Variants in SNX19 observed in about 807,000 individuals in gnomAD.
SNX19 encodes the protein sorting nexin 19.
In SNX19, 60 loss-of-function variants were observed where a neutral mutation model predicts 85.2. The observed-to-expected ratio is 0.70, with a 90% CI of 0.57 to 0.87. The LOEUF (loss-of-function observed/expected upper bound fraction) is 0.87, where lower values mean the gene tolerates loss of function less well. Among genes scored for constraint, SNX19 ranks in the 40% least tolerant of loss-of-function variants. SNX19 has a pLI of 0.00. For synonymous variants in SNX19, 520 were observed against 470.0 expected, an observed-to-expected ratio of 1.11 and a Z score of -1.38; for missense variants, 1,201 against 1,217.8, an observed-to-expected ratio of 0.99 and a Z score of 0.21.
rs1266033179 is a variant in SNX19, at chr11:130,916,157, C to G, written c.-218G>C. ...ACCACTAACAGAGCCCTCCAACTCG[C>G]CCCTTCCAGCTGAGGTGTGGCTTTG... On this transcript the variant is annotated 5_prime_UTR_variant, in exon 1 of 11. Transcript: ENST00000265909. The G allele has an allele frequency of 1.7e-6, 1 of 577,186 alleles. No homozygotes were observed. The highest frequency in any genetic ancestry group is 2.9e-5 in the East Asian group (1 of 34,980). The allele number at this position is 577,186 out of a possible 1,614,324, so 35.8% of individuals were successfully genotyped here. A position where few individuals can be genotyped will look rare whatever the true frequency, so the allele number is the denominator to read the frequency against.
intron 5 of SNX19, among the ~76,000 whole-genome samples, chr11:130,907,120 T>C (rs1945731576): frequency 6.6e-6 from 1 of 152,224 alleles, no homozygotes; most frequent in Non-Finnish European, 1.5e-5. Flanking sequence ...CTATTCATGG[T>C]GTATCCTTTT....
intron 4 of SNX19, 42 bp downstream of exon 4, chr11:130,909,976 A>G: frequency 1.2e-6 from 2 of 1,609,222 alleles, no homozygotes; most frequent in Non-Finnish European, 1.7e-6. Flanking sequence ...CTCCCCATTT[A>G]TAGATCAAAA....
At position 130,873,734 on chromosome 11, in the gene SNX19, G is replaced by C. The variant is rs1178495304; in HGVS notation, c.*4688C>G. Among the ~76,000 whole-genome samples, 1 of 152,154 alleles carries C rather than the reference G, an allele frequency of 6.6e-6. No individual in the cohort carries two copies. Among genetic ancestry groups the C allele is most frequent in the East Asian group, 1.9e-4 (1 of 5,154 alleles). ...AAGATATGTAAAGACTTTAAGTAAT[G>C]CTCTCAGAAGATGTTAACTATTAGC... is the stretch of plus-strand genomic sequence containing the variant. On this transcript the variant is annotated 3_prime_UTR_variant, in exon 11 of 11. Coordinates refer to ENST00000265909, the MANE Select transcript of SNX19 (RefSeq NM_014758.3).
chr11:130,908,145 A>T (rs1256729446), intron 4 of SNX19, 62 bp from the exon 5 acceptor site: 12 of 1,582,998 alleles, frequency 7.6e-6, no homozygotes, highest in Non-Finnish European at 9.5e-6. Context: ...CCGCCAAGCA[A>T]GCAGTCGCCT....
intron 8 of SNX19, chr11:130,893,810 T>C (rs1382388114): frequency 1.4e-6 from 1 of 702,244 alleles, no homozygotes. Flanking sequence ...GAAGGCTGAA[T>C]CCTCTCCGAG....
rs1405294675 is a variant in SNX19, at chr11:130,872,402, C to T, written c.*6020G>A. ...ACCAAGTCACAGAAGGAAAAAGATT[C>T]TGATGATTTTCACTTGTTTCACGCT... On this transcript the variant is annotated 3_prime_UTR_variant, in exon 11 of 11. Coordinates refer to ENST00000265909, the MANE Select transcript of SNX19 (RefSeq NM_014758.3). Among the ~76,000 whole-genome samples, 1 of 152,110 alleles carries T rather than the reference C, an allele frequency of 6.6e-6. No homozygotes were observed. The highest frequency in any genetic ancestry group is 1.5e-5 in the Non-Finnish European group (1 of 68,006).
chr11:130,904,044 C>T (rs1324613173), intron 7 of SNX19, among the ~76,000 whole-genome samples: 1 of 152,128 alleles, frequency 6.6e-6, no homozygotes, highest in Non-Finnish European at 1.5e-5. Flanking sequence ...AGGAAGAACA[C>T]CACACCTCTG....
Position 130,880,665 on chromosome 11 carries a change from A to G in SNX19, c.2715T>C (p.Ala905=), listed in dbSNP as rs748790737. The change falls in exon 9 of 11, where the codon GCT becomes GCC. Residue 905 remains alanine (A), a synonymous_variant. Transcript: ENST00000265909. ...GGCTCTGCAAAGCCTGTTTCTCAGC[A>G]GCCAGTTTCTGCTCTTGGGTCCTTA... is the stretch of plus-strand genomic sequence containing the variant. The part of the protein sequence containing the change: ...RPVRTQEQKL[A]AEKQALQSLM... 1.2e-6 allele frequency: 2 copies of G among 1,609,328 alleles called. No individual in the cohort carries two copies. Among genetic ancestry groups the G allele is most frequent in the African/African-American group, 1.3e-5 (1 of 74,842 alleles).
intron 8 of SNX19, among the ~76,000 whole-genome samples, chr11:130,895,410 T>G (rs187095551): frequency 6.6e-6 from 1 of 152,364 alleles, no homozygotes; most frequent in East Asian, 1.9e-4. Flanking sequence ...TGTGATCTTC[T>G]GTGTTCATTT....
At position 130,889,647 on chromosome 11, in the gene SNX19, C is replaced by T. The variant is rs565717287; in HGVS notation, c.2574-8841G>A. 1.0e-3 allele frequency among the ~76,000 whole-genome samples: 154 copies of T among 152,240 alleles called. 1 individual carries two copies. Among genetic ancestry groups the T allele is most frequent in the South Asian group, 2.3e-3 (11 of 4,822 alleles). On this transcript the variant is annotated intron_variant, in intron 8 of 10. Transcript: ENST00000265909. ...ATTCCAGTACTCTCATCTATCTCTG[C>T]TTTCCTTTCTGTGTCAGCTGTTTTT...
At chr11:130,906,171 T>TGAC (rs779739253) in intron 6 of SNX19, 38 bp from the exon 7 acceptor site, 10 of 1,596,570 alleles carry the variant, frequency 6.3e-6, no homozygotes, top group Non-Finnish European at 8.5e-6. Context: ...TATGGAATGC[T>TGAC]GACAGTAGGG....
At chr11:130,889,931 T>C (rs542419583) in intron 8 of SNX19, among the ~76,000 whole-genome samples, 1 of 152,284 alleles carries the variant, frequency 6.6e-6, no homozygotes, top group Non-Finnish European at 1.5e-5. Flanking sequence ...AGAAAAAAAG[T>C]TGAAAATATA....
rs766480824 is a variant in SNX19 at position 130,915,844 on chromosome 11, C to T, written c.96G>A (p.Val32=). 1 of 1,614,250 alleles carries T rather than the reference C, an allele frequency of 6.2e-7. No individual in the cohort carries two copies. Among genetic ancestry groups the T allele is most frequent in the South Asian group, 1.1e-5 (1 of 91,088 alleles). Residue 32 remains valine (V), a synonymous_variant, in exon 1 of 11, where the codon GTG becomes GTA. Transcript: ENST00000265909. The part of the protein sequence containing the change: ...NLLSSRKLMA[V]GVLLGWLLVI... Reference sequence around the variant, plus strand: ...CCAGGAGCCAGCCAAGCAAGACCCCCACAGCCATCAGCTTCCGGCTACTCA... The same window carrying T: ...CCAGGAGCCAGCCAAGCAAGACCCCTACAGCCATCAGCTTCCGGCTACTCA...
chr11:130,888,697 T>TA lies in SNX19; in HGVS notation c.2574-7892dup, dbSNP rs1944273664. 2.6e-5 allele frequency among the ~76,000 whole-genome samples: 4 copies of TA among 152,332 alleles called. No individual in the cohort carries two copies. In the South Asian group the frequency reaches 8.3e-4, roughly 32 times the overall value. ...TTAACCATTTTTTAAAAAGGCAAGA[T>TA]ATCTGTGCATCTCTAACCCATATGG... On this transcript the variant is annotated intron_variant, in intron 8 of 10. Transcript: ENST00000265909.
At position 130,869,382 on chromosome 11, in the gene SNX19, T is replaced by C. The variant is rs1388054510; in HGVS notation, c.*9040A>G. 1 of 152,232 alleles carries C rather than the reference T, an allele frequency of 6.6e-6. No individual in the cohort carries two copies. Among genetic ancestry groups the C allele is most frequent in the Non-Finnish European group, 1.5e-5 (1 of 68,044 alleles). 9.4% of individuals were successfully genotyped at this position (152,232 alleles called of 1,614,324 possible). On this transcript the variant is annotated 3_prime_UTR_variant, in exon 11 of 11. Coordinates refer to ENST00000265909, the MANE Select transcript of SNX19 (RefSeq NM_014758.3). ...CAGATGCCATTAACAGGTTTTTGCT[T>C]TTACATGTCATCTTTCCCATTTGAG...
intron 9 of SNX19, among the ~76,000 whole-genome samples, 191 bp from the exon 10 acceptor site, chr11:130,879,902 G>A (rs1247209803): frequency 1.3e-5 from 2 of 152,172 alleles, no homozygotes; most frequent in Non-Finnish European, 2.9e-5. Context: ...CTCAAGTTAG[G>A]TGTCTACATA....
intron 1 of SNX19, among the ~76,000 whole-genome samples, chr11:130,912,823 G>A (rs1248390965): frequency 6.6e-6 from 1 of 152,086 alleles, no homozygotes; most frequent in Non-Finnish European, 1.5e-5. Context: ...GGAATATGCT[G>A]CTCCTCGAGG....
intron 9 of SNX19, among the ~76,000 whole-genome samples, chr11:130,880,140 G>C (rs1403607760): frequency 6.6e-6 from 1 of 152,162 alleles, no homozygotes; most frequent in African/African-American, 2.4e-5. Flanking sequence ...CTCAGATTTT[G>C]TTTTAACTTA....
Position 130,870,814 on chromosome 11 carries a change from A to G in SNX19, c.*7608T>C, listed in dbSNP as rs959426673. 8.5e-6 allele frequency among the ~76,000 whole-genome samples: 1 copy of G among 117,512 alleles called. No homozygotes were observed. Among genetic ancestry groups the G allele is most frequent in the African/African-American group, 3.4e-5 (1 of 29,380 alleles). 77.1% of individuals were successfully genotyped at this position (117,512 alleles called of 152,430 possible). ...TTTGTACCTATCATGCACTAGGTAT[A>G]TACATATAGTTGGGGGGGGGGCATA... On this transcript the variant is annotated 3_prime_UTR_variant, in exon 11 of 11. Coordinates refer to ENST00000265909, the MANE Select transcript of SNX19 (RefSeq NM_014758.3).
Sources: gnomAD v4.1 joint callset for allele counts (sites outside exome capture counted in the v4.1 genomes callset) on GRCh38, gnomAD v4.1.1 for gene constraint, MANE v1.5 for transcripts, NCBI Gene and HGNC (gene_info 2026-07-23, HGNC 2026-07-21) for gene names.